SRGAP2B: variants seen among roughly 807,000 people sequenced by gnomAD.
SRGAP2B encodes SLIT-ROBO Rho GTPase-activating protein 2B.
A neutral mutation model predicts 22.2 loss-of-function variants in SRGAP2B; 9 were observed. That is an observed-to-expected ratio of 0.41 (90% confidence interval 0.24 to 0.71). The LOEUF (loss-of-function observed/expected upper bound fraction) is 0.71. Among genes scored for constraint, SRGAP2B ranks in the 30% least tolerant of loss-of-function variants. The pLI is 0.35. For missense variants in SRGAP2B, 114 were observed against 235.8 expected (o/e 0.48, Z 3.38); for synonymous variants, 36 against 87.4 (o/e 0.41, Z 3.28).
chr1:144,993,522 G>A lies in SRGAP2B; in HGVS notation c.260+1486C>T, dbSNP rs1194819646. Among the ~76,000 whole-genome samples, 260 of 150,408 alleles carry A rather than the reference G, an allele frequency of 1.7e-3. 19 individuals are homozygous for A. The highest frequency in any genetic ancestry group is 6.3e-3 in the African/African-American group (251 of 40,038). ...TTGAGACCAAACTGGGCAACATAGC[G>A]AAACCCTGTCTCTACAACAATTAAA... On this transcript the variant is annotated intron_variant, in intron 3 of 9. Coordinates refer to ENST00000612199, the Ensembl canonical transcript of SRGAP2B.
chr1:144,988,027 G>A (rs1278459001), intron 3 of SRGAP2B, among the ~76,000 whole-genome samples: 1 of 149,430 alleles, frequency 6.7e-6, no homozygotes, highest in East Asian at 1.9e-4. Flanking sequence ...GGTATACAAT[G>A]CTAAAAATAT....
intron 2 of SRGAP2B, among the ~76,000 whole-genome samples, chr1:145,089,274 G>A (rs1489640420): frequency 3.3e-5 from 5 of 150,622 alleles, no homozygotes. Context: ...ACATTGAGAG[G>A]CATGAACTTT....
At chr1:145,076,356 A>G (rs1377871757) in intron 2 of SRGAP2B, among the ~76,000 whole-genome samples, 1 of 149,860 alleles carries the variant, frequency 6.7e-6, no homozygotes, top group Non-Finnish European at 1.5e-5. Context: ...ATACCTGTAT[A>G]CACAAAAATC....
intron 4 of SRGAP2B, among the ~76,000 whole-genome samples, chr1:144,927,389 T>C (rs1446354180): frequency 6.6e-6 from 1 of 150,880 alleles, no homozygotes; most frequent in Non-Finnish European, 1.5e-5. Context: ...TGATATATTT[T>C]CTCATATTTT....
At chr1:144,923,406 A>T (rs1261307134) in intron 4 of SRGAP2B, among the ~76,000 whole-genome samples, 3 of 150,200 alleles carry the variant, frequency 2.0e-5, no homozygotes, top group African/African-American at 7.5e-5. Context: ...AAGATGAGTG[A>T]TCACCCCATT....
intron 2 of SRGAP2B, among the ~76,000 whole-genome samples, chr1:145,011,945 G>A (rs1672084953): frequency 1.3e-5 from 2 of 150,700 alleles, no homozygotes; most frequent in Admixed American, 1.3e-4. Context: ...GGCCTCTCTG[G>A]TCATAGAACA....
At chr1:144,986,877 A>C (rs1436164689) in intron 3 of SRGAP2B, among the ~76,000 whole-genome samples, 2 of 150,976 alleles carry the variant, frequency 1.3e-5, no homozygotes, top group Admixed American at 1.3e-4. Flanking sequence ...ACTGTTCTTC[A>C]GCAAAACAGA....
chr1:144,926,978 C>T (rs1227507914), intron 4 of SRGAP2B, among the ~76,000 whole-genome samples: 8 of 151,880 alleles, frequency 5.3e-5, no homozygotes, highest in African/African-American at 1.7e-4. Context: ...GAGACGGAGT[C>T]TCACTCAGTT....
intron 2 of SRGAP2B, among the ~76,000 whole-genome samples, chr1:145,051,335 A>G (rs1340858704): frequency 1.4e-5 from 2 of 139,826 alleles, no homozygotes; most frequent in Non-Finnish European, 3.1e-5. Context: ...AAATGATTTC[A>G]GCCCCCTCCT....
chr1:145,012,880 T>A (rs1672160025), intron 2 of SRGAP2B, among the ~76,000 whole-genome samples: 1 of 143,646 alleles, frequency 7.0e-6, no homozygotes, highest in African/African-American at 2.8e-5. Flanking sequence ...AGGCCAGGAG[T>A]TCAAGACCAG....
At chr1:145,089,324 G>GT in intron 2 of SRGAP2B, among the ~76,000 whole-genome samples, 2 of 150,180 alleles carry the variant, frequency 1.3e-5, no homozygotes, top group African/African-American at 4.9e-5. Context: ...AACAATGATG[G>GT]TTTTTAAGAA....
rs1255076391 is a variant in SRGAP2B, at chr1:144,964,753, G to A, written c.261-9152C>T. On this transcript the variant is annotated intron_variant, in intron 3 of 9. Coordinates refer to ENST00000612199, the Ensembl canonical transcript of SRGAP2B. ...TCTGGGTCTCAAAATCTCTTCACCT[G>A]TTTTAAAAAGTAAATGGAAGCCAGG... 5.0e-4 allele frequency among the ~76,000 whole-genome samples: 75 copies of A among 150,736 alleles called. 2 individuals carry two copies. Among genetic ancestry groups the A allele is most frequent in the African/African-American group, 1.8e-3 (73 of 40,288 alleles).
At chr1:144,993,495 G>A (rs1418586631) in intron 3 of SRGAP2B, among the ~76,000 whole-genome samples, 2 of 150,426 alleles carry the variant, frequency 1.3e-5, no homozygotes, top group Non-Finnish European at 2.9e-5. Context: ...AAGGCCAGGA[G>A]TTTGAGACCA....
chr1:145,040,795 C>G (rs1649137363), intron 2 of SRGAP2B, among the ~76,000 whole-genome samples: 1 of 148,286 alleles, frequency 6.7e-6, no homozygotes, highest in Non-Finnish European at 1.5e-5. Flanking sequence ...CATGCTCCAG[C>G]TACTCTGACC....
At chr1:144,989,663 AT>A (rs1267548297) in intron 3 of SRGAP2B, among the ~76,000 whole-genome samples, 1 of 147,470 alleles carries the variant, frequency 6.8e-6, no homozygotes, top group African/African-American at 2.6e-5. Context: ...CTCAGTAGGT[AT>A]TTAAAAGTAA....
chr1:145,086,696 A>G (rs145112368), intron 2 of SRGAP2B, among the ~76,000 whole-genome samples: 1,160 of 102,636 alleles, frequency 0.011, 16 homozygotes, highest in African/African-American at 0.038. Flanking sequence ...AAAAAAAAAA[A>G]AAAAGAAAAA....
intron 2 of SRGAP2B, among the ~76,000 whole-genome samples, chr1:145,088,453 TAAAA>T (rs67689376): frequency 7.6e-6 from 1 of 132,376 alleles, no homozygotes. Flanking sequence ...CCTAAGACAT[TAAAA>T]AAAAAAAAAA....
chr1:144,976,926 A>T (rs1668948518), intron 3 of SRGAP2B, among the ~76,000 whole-genome samples: 1 of 30,866 alleles, frequency 3.2e-5, no homozygotes, highest in Admixed American at 3.4e-4. Flanking sequence ...ACTATTTGGT[A>T]ACCATCATAA....
At chr1:144,933,350 G>A (rs1469484249) in intron 4 of SRGAP2B, among the ~76,000 whole-genome samples, 1 of 150,252 alleles carries the variant, frequency 6.7e-6, no homozygotes, top group African/African-American at 2.5e-5. Flanking sequence ...ATATTCAAAG[G>A]GCTATGTTTC....
Sources: gnomAD v4.1 joint callset for allele counts (sites outside exome capture counted in the v4.1 genomes callset) on GRCh38, gnomAD v4.1.1 for gene constraint, MANE v1.5 for transcripts, NCBI Gene and HGNC (gene_info 2026-07-23, HGNC 2026-07-21) for gene names.